MAP3K3: variants seen among roughly 807,000 people sequenced by gnomAD.
MAP3K3 encodes MAP/ERK kinase kinase 3.
A neutral mutation model predicts 80.9 loss-of-function variants in MAP3K3; 12 were observed. The observed-to-expected ratio is 0.15, with a 90% CI of 0.10 to 0.24. The LOEUF is 0.24. MAP3K3 is among the 10% of genes least tolerant of loss of function. The probability of loss-of-function intolerance (pLI) is 1.00; values close to 1 mark genes in which losing one functional copy is unlikely to be tolerated. For synonymous variants in MAP3K3, 272 were observed against 307.1 expected, an observed-to-expected ratio of 0.89 and a Z score of 1.19; for missense variants, 596 against 834.7, an observed-to-expected ratio of 0.71 and a Z score of 3.52.
At chr17:63,655,995 T>C (rs2034759408) in intron 4 of MAP3K3, among the ~76,000 whole-genome samples, 1 of 152,114 alleles carries the variant, frequency 6.6e-6, no homozygotes, top group Non-Finnish European at 1.5e-5. Context: ...TTTGGGAGGC[T>C]GAGGCAGGCA....
At chr17:63,678,674 G>A (rs1324355668) in intron 6 of MAP3K3, among the ~76,000 whole-genome samples, 1 of 152,202 alleles carries the variant, frequency 6.6e-6, no homozygotes, top group East Asian at 1.9e-4. Context: ...TTCTCAAAAT[G>A]TATTCAGCAC....
chr17:63,643,333 A>G (rs1200651765), intron 2 of MAP3K3, among the ~76,000 whole-genome samples: 1 of 151,970 alleles, frequency 6.6e-6, no homozygotes, highest in Non-Finnish European at 1.5e-5. Context: ...GCAAGACCCC[A>G]TCTCTACAAA....
Position 63,691,842 on chromosome 17 carries a change from T to C in MAP3K3, c.1454T>C (p.Ile485Thr), listed in dbSNP as rs369531094. 6.2e-7 allele frequency: 1 copy of C among 1,613,914 alleles called. No individual in the cohort carries two copies. Among genetic ancestry groups the C allele is most frequent in the Non-Finnish European group, 8.5e-7 (1 of 1,179,978 alleles). The change falls in exon 14 of 16, where the codon ATT (isoleucine) becomes ACT (threonine). Residue 485 changes from isoleucine to threonine, a missense_variant. Ile to Thr is a moderately conservative substitution (Grantham distance 89). Coordinates refer to ENST00000361733, the MANE Select transcript of MAP3K3 (RefSeq NM_002401.5). This position sits in a 1 kb window ranked among gnomAD's most constrained non-coding sequence, Gnocchi z 4.8. ...ATGTCCTACCTGCACAGCAACATGA[T>C]TGTTCACCGGGACATTAAGGGTGAG... ...EGMSYLHSNM[I>T]VHRDIKGANI...
rs574474036 is a variant in MAP3K3, at chr17:63,688,998, G to A, written c.871+117G>A. On this transcript the variant is annotated intron_variant, in intron 10 of 15. Transcript: ENST00000361733. ...TTTCCTTCATTCCTGAGGATTTGTGGCCCAGACTTGAGGCATGGGAGACAG... is the reference window on the plus strand; with the variant it reads ...TTTCCTTCATTCCTGAGGATTTGTGACCCAGACTTGAGGCATGGGAGACAG... 48 of 736,936 alleles carry A rather than the reference G, an allele frequency of 6.5e-5. 3 individuals are homozygous for A. In the South Asian group the frequency reaches 7.7e-4, roughly 12 times the overall value. The allele number at this position is 736,936 out of a possible 1,614,324, so 45.6% of individuals were successfully genotyped here.
At chr17:63,663,331 T>C (rs1041033215) in intron 5 of MAP3K3, among the ~76,000 whole-genome samples, 8 of 151,900 alleles carry the variant, frequency 5.3e-5, no homozygotes, top group Admixed American at 4.6e-4. Context: ...GGTGAAACCC[T>C]GTCTCTACTG....
At chr17:63,644,142 A>G (rs1254287699) in intron 2 of MAP3K3, among the ~76,000 whole-genome samples, 1 of 152,112 alleles carries the variant, frequency 6.6e-6, no homozygotes, top group Non-Finnish European at 1.5e-5. Flanking sequence ...TGCTCAATAA[A>G]CGTTAGCTAT....
In MAP3K3 at chr17:63,691,364, A is replaced by T. The variant is rs1484260909; in HGVS notation, c.1344+131A>T. The T allele has an allele frequency of 1.5e-6, 2 of 1,301,640 alleles. No individual in the cohort carries two copies. The highest frequency in any genetic ancestry group is 2.1e-6 in the Non-Finnish European group (2 of 931,604). The allele number at this position is 1,301,640 out of a possible 1,614,324, so 80.6% of individuals were successfully genotyped here. Reference sequence around the variant, plus strand: ...AGGCTCCAGAGGCCCAGAGGAGCAAAGTGAGGTGATGGTGGGACTTGGAGT... The same window carrying T: ...AGGCTCCAGAGGCCCAGAGGAGCAATGTGAGGTGATGGTGGGACTTGGAGT... On this transcript the variant is annotated intron_variant, in intron 13 of 15. Transcript: ENST00000361733. This position sits in a 1 kb window ranked among gnomAD's most constrained non-coding sequence, Gnocchi z 4.8.
At chr17:63,646,340 A>C (rs1166845730) in intron 3 of MAP3K3, among the ~76,000 whole-genome samples, 2 of 152,128 alleles carry the variant, frequency 1.3e-5, no homozygotes, top group Admixed American at 6.6e-5. Context: ...CTGACATTTT[A>C]TTAGGAAGTG....
At position 63,690,718 on chromosome 17, in the gene MAP3K3, C is replaced by CG. The variant is rs1212271976; in HGVS notation, c.1212+306_1212+307insG. On this transcript the variant is annotated intron_variant, in intron 12 of 15. Transcript: ENST00000361733. The stretch of plus-strand genomic sequence containing the variant: ...CCCTCCCCTAGACAAGTATCTCTCC[C>CG]CAGCTCTCAGCCCAGGAAGGAGCTG... The CG allele has an allele frequency of 2.1e-4, 94 of 438,426 alleles. No individual in the cohort carries two copies. In the Middle Eastern group the frequency reaches 3.1e-3, roughly 14 times the overall value. The allele number at this position is 438,426 out of a possible 1,614,324, so 27.2% of individuals were successfully genotyped here.
At chr17:63,687,306 C>G (rs903871489) in intron 8 of MAP3K3, among the ~76,000 whole-genome samples, 33 of 149,812 alleles carry the variant, frequency 2.2e-4, no homozygotes, top group Non-Finnish European at 3.6e-4. Context: ...GAGTTCGAGA[C>G]CAGCCTGGCC....
Position 63,642,708 on chromosome 17 carries a change from G to A in MAP3K3, c.127-3326G>A, listed in dbSNP as rs1023164165. On this transcript the variant is annotated intron_variant, in intron 2 of 15. Coordinates refer to ENST00000361733, the MANE Select transcript of MAP3K3 (RefSeq NM_002401.5). ...TTGTCCCAGTTTAAGAATGAAAGCT[G>A]TTATGTGTGTGTGTGTTTTTAACCT... Among the ~76,000 whole-genome samples the A allele has an allele frequency of 2.0e-5, 3 of 152,150 alleles. No individual in the cohort carries two copies. In the East Asian group the frequency reaches 5.8e-4, roughly 29 times the overall value.
intron 5 of MAP3K3, among the ~76,000 whole-genome samples, chr17:63,660,226 G>A (rs1317245897): frequency 6.6e-6 from 1 of 151,746 alleles, no homozygotes; most frequent in African/African-American, 2.4e-5. Flanking sequence ...TTTGAGATGG[G>A]ATCTTACTCT....
At chr17:63,625,084 C>T (rs1013344453) in intron 1 of MAP3K3, among the ~76,000 whole-genome samples, 1 of 152,158 alleles carries the variant, frequency 6.6e-6, no homozygotes, top group East Asian at 1.9e-4. Context: ...ACTCCAGCCT[C>T]ATGAAGAAAG....
At chr17:63,637,712 C>T (rs1230083499) in intron 2 of MAP3K3, among the ~76,000 whole-genome samples, 1 of 152,150 alleles carries the variant, frequency 6.6e-6, no homozygotes. Context: ...ATCTGATGAT[C>T]TTTGCAAATT....
intron 2 of MAP3K3, among the ~76,000 whole-genome samples, chr17:63,639,197 C>T (rs2034393660): frequency 6.6e-6 from 1 of 152,050 alleles, no homozygotes; most frequent in African/African-American, 2.4e-5. Context: ...GAGCCTGGGC[C>T]AGAGGAGCTA....
intron 1 of MAP3K3, among the ~76,000 whole-genome samples, chr17:63,624,456 T>C (rs991977095): frequency 1.3e-5 from 2 of 152,206 alleles, no homozygotes; most frequent in Non-Finnish European, 2.9e-5. Context: ...CATCTCATTA[T>C]CTAACATGAA....
At chr17:63,631,522 C>T (rs146247346) in intron 1 of MAP3K3, among the ~76,000 whole-genome samples, 171 of 152,316 alleles carry the variant, frequency 1.1e-3, no homozygotes, top group Middle Eastern at 6.8e-3. Context: ...TGTAACAACT[C>T]ATCCCTCATG....
At chr17:63,685,411 C>G in intron 7 of MAP3K3, 106 bp from the exon 8 acceptor site, 1 of 841,298 alleles carries the variant, frequency 1.2e-6, no homozygotes, top group Non-Finnish European at 2.1e-6. Context: ...AGGACACTTT[C>G]ATGTTTTGAC....
chr17:63,663,791 C>T (rs1246310291), intron 5 of MAP3K3, among the ~76,000 whole-genome samples: 2 of 152,132 alleles, frequency 1.3e-5, no homozygotes, highest in Admixed American at 6.6e-5. Context: ...ACCTGGGAGG[C>T]TGAGGCGGGA....
Sources: gnomAD v4.1 joint callset for allele counts (sites outside exome capture counted in the v4.1 genomes callset) on GRCh38, gnomAD v4.1.1 for gene constraint, Gnocchi (gnomAD v3.1) non-coding constraint, MANE v1.5 for transcripts, NCBI Gene and HGNC (gene_info 2026-07-23, HGNC 2026-07-21) for gene names.